The following FAM13C variants were observed in gnomAD, a reference collection of about 807,000 sequenced individuals.
FAM13C encodes family with sequence similarity 13 member C.
FAM13C carries 37 observed loss-of-function variants against 73.2 expected under a neutral mutation model. That is an observed-to-expected ratio of 0.51 (90% CI 0.39 to 0.67). FAM13C has a LOEUF of 0.67. Among genes scored for constraint, FAM13C ranks in the 30% least tolerant of loss-of-function variants. The pLI is 0.00. For missense variants in FAM13C, 589 were observed against 715.6 expected (o/e 0.82, Z 2.02); for synonymous variants, 246 against 260.9 (o/e 0.94, Z 0.55).
At chr10:59,298,174 G>T (rs997409869) in intron 5 of FAM13C, among the ~76,000 whole-genome samples, 1 of 152,126 alleles carries the variant, frequency 6.6e-6, no homozygotes, top group African/African-American at 2.4e-5. Flanking sequence ...GAGGATAAAC[G>T]ATAGTGATGG....
chr10:59,274,200 G>GA (rs1039014181), intron 6 of FAM13C, among the ~76,000 whole-genome samples: 1 of 146,090 alleles, frequency 6.8e-6, no homozygotes, highest in Non-Finnish European at 1.5e-5. Flanking sequence ...AAACAAAGAT[G>GA]AAAAACAACC....
intron 3 of FAM13C, among the ~76,000 whole-genome samples, chr10:59,339,260 C>T (rs549167641): frequency 7.2e-5 from 11 of 152,256 alleles, no homozygotes; most frequent in Admixed American, 3.3e-4. Flanking sequence ...TTAAAGGTCA[C>T]ATTCTGAGGT....
At chr10:59,326,145 T>C (rs1419506106) in intron 3 of FAM13C, among the ~76,000 whole-genome samples, 1 of 152,152 alleles carries the variant, frequency 6.6e-6, no homozygotes, top group Non-Finnish European at 1.5e-5. Flanking sequence ...CCCTAGGATG[T>C]ATCTTAGATA....
intron 6 of FAM13C, among the ~76,000 whole-genome samples, chr10:59,275,823 G>C (rs1844265369): frequency 6.6e-6 from 1 of 152,132 alleles, no homozygotes; most frequent in East Asian, 1.9e-4. Context: ...CACAGTACTT[G>C]GTCTAATGTA....
At chr10:59,323,040 T>C (rs1224447574) in intron 4 of FAM13C, among the ~76,000 whole-genome samples, 3 of 152,202 alleles carry the variant, frequency 2.0e-5, no homozygotes, top group East Asian at 3.9e-4. Flanking sequence ...ATTTAGTACA[T>C]TGGATATTTA....
rs999076515 is a variant in FAM13C at position 59,355,762 on chromosome 10, G to A, written c.119+125C>T. On this transcript the variant is annotated intron_variant, in intron 2 of 13. Coordinates refer to ENST00000618804, the MANE Select transcript of FAM13C (RefSeq NM_198215.4). The stretch of plus-strand genomic sequence containing the variant: ...TTTGTCAAGAGGTAAAAATCTAGTA[G>A]AAGAGATGAGACATGAGAACAAATA... 34 of 991,784 alleles carry A rather than the reference G, an allele frequency of 3.4e-5. No homozygotes were observed. The African/African-American group carries it at 4.4e-4, about 13-fold the overall frequency. The allele number at this position is 991,784 out of a possible 1,614,324, so 61.4% of individuals were successfully genotyped here.
intron 5 of FAM13C, among the ~76,000 whole-genome samples, chr10:59,284,269 C>G (rs1423025339): frequency 6.6e-6 from 1 of 152,026 alleles, no homozygotes; most frequent in East Asian, 1.9e-4. Flanking sequence ...ACGCATGCAT[C>G]CTGCCATGAT....
intron 10 of FAM13C, among the ~76,000 whole-genome samples, chr10:59,255,423 C>T (rs183712421): frequency 1.3e-5 from 2 of 151,876 alleles, no homozygotes; most frequent in East Asian, 3.9e-4. Context: ...ATCTATCCAT[C>T]TATTTGTCTG....
Position 59,291,439 on chromosome 10 carries a change from C to T in FAM13C, c.508-7992G>A, listed in dbSNP as rs533363615. ...CAGCACAGCACACCTCAGCTCAGCC[C>T]GCCCCAGCTTCCCTCTGTTCAGGAG... On this transcript the variant is annotated intron_variant, in intron 5 of 13. Coordinates refer to ENST00000618804, the MANE Select transcript of FAM13C (RefSeq NM_198215.4). 1.2e-4 allele frequency among the ~76,000 whole-genome samples: 19 copies of T among 152,290 alleles called. No homozygotes were observed. The East Asian group carries it at 3.1e-3, about 25-fold the overall frequency.
intron 5 of FAM13C, among the ~76,000 whole-genome samples, chr10:59,301,582 A>G (rs1238348470): frequency 6.6e-6 from 1 of 152,098 alleles, no homozygotes; most frequent in Non-Finnish European, 1.5e-5. Flanking sequence ...GAAAGTTATC[A>G]TGAGTTGACT....
chr10:59,295,384 G>C (rs116673629), intron 5 of FAM13C, among the ~76,000 whole-genome samples: 1,741 of 152,286 alleles, frequency 0.011, 28 homozygotes, highest in African/African-American at 0.039. Context: ...CCACGCTGTT[G>C]CTGGCTCCAA....
intron 3 of FAM13C, 66 bp from the exon 4 acceptor site, chr10:59,324,172 C>G: frequency 7.7e-7 from 1 of 1,299,130 alleles, no homozygotes; most frequent in South Asian, 1.3e-5. Context: ...CATTATTATG[C>G]TGGAAGTGGG....
intron 3 of FAM13C, among the ~76,000 whole-genome samples, chr10:59,340,184 C>G (rs934347373): frequency 6.6e-6 from 1 of 151,936 alleles, no homozygotes; most frequent in Non-Finnish European, 1.5e-5. Flanking sequence ...AAATAATGCT[C>G]AAGAATTGTT....
At chr10:59,284,682 C>T (rs1402443384) in intron 5 of FAM13C, among the ~76,000 whole-genome samples, 1 of 151,276 alleles carries the variant, frequency 6.6e-6, no homozygotes, top group African/African-American at 2.4e-5. Context: ...CACACAGACG[C>T]TCATACCAAA....
intron 3 of FAM13C, among the ~76,000 whole-genome samples, chr10:59,344,228 C>T (rs1423922889): frequency 4.0e-5 from 6 of 151,180 alleles, no homozygotes; most frequent in Non-Finnish European, 7.4e-5. Context: ...TCCGAAAGTG[C>T]TGGGATTACA....
In FAM13C at chr10:59,354,672, C is replaced by T. The variant is rs563799137; in HGVS notation, c.119+1215G>A. ...AAGCTATTGTTACTCTCAGGCAGGGCCTTAGCCATGTGGTTATTTGCAAAG... is the reference window on the plus strand; with the variant it reads ...AAGCTATTGTTACTCTCAGGCAGGGTCTTAGCCATGTGGTTATTTGCAAAG... On this transcript the variant is annotated intron_variant, in intron 2 of 13. Transcript: ENST00000618804. 1.4e-4 allele frequency among the ~76,000 whole-genome samples: 21 copies of T among 152,168 alleles called. No individual in the cohort carries two copies. The South Asian group carries it at 4.4e-3, about 32-fold the overall frequency.
At chr10:59,283,564 A>C in intron 5 of FAM13C, 117 bp from the exon 6 acceptor site, 1 of 984,452 alleles carries the variant, frequency 1.0e-6, no homozygotes, top group Middle Eastern at 2.1e-4. Context: ...AACACACAAC[A>C]GTGTGTCCGC....
intron 3 of FAM13C, among the ~76,000 whole-genome samples, chr10:59,334,125 T>C (rs1231749182): frequency 6.6e-6 from 1 of 152,220 alleles, no homozygotes; most frequent in Non-Finnish European, 1.5e-5. Context: ...AGGAAAATAG[T>C]ATTGTATCAG....
intron 6 of FAM13C, among the ~76,000 whole-genome samples, chr10:59,274,872 C>T (rs987583565): frequency 2.0e-5 from 3 of 152,158 alleles, no homozygotes; most frequent in Non-Finnish European, 2.9e-5. Context: ...CCAGGGTTCT[C>T]CCTGAGCTGT....
Sources: allele counts gnomAD v4.1 joint callset (sites outside exome capture counted in the v4.1 genomes callset), GRCh38; gene constraint gnomAD v4.1.1; transcripts MANE v1.5; gene names NCBI Gene and HGNC (gene_info 2026-07-23, HGNC 2026-07-21).